CTNNA3: variants seen among roughly 807,000 people sequenced by gnomAD.
CTNNA3 encodes the protein catenin alpha-3.
Under a neutral mutation model 95.7 loss-of-function variants are expected in CTNNA3, and 76 were observed. The ratio of observed to expected loss-of-function variants is 0.79; its 90% confidence interval spans 0.66 to 0.96. The LOEUF is 0.96. Ranked by LOEUF, CTNNA3 falls within the 40% of genes least tolerant of loss-of-function variation. The pLI is 0.00. For synonymous variants in CTNNA3, 431 were observed against 374.4 expected (o/e 1.15, Z -1.74); for missense variants, 1,191 against 1,089.8 (o/e 1.09, Z -1.31).
chr10:66,399,072 T>G (rs1489701721), intron 11 of CTNNA3, among the ~76,000 whole-genome samples: 1 of 152,038 alleles, frequency 6.6e-6, no homozygotes, highest in Non-Finnish European at 1.5e-5. Context: ...TTTCACTTCC[T>G]ATTTTTAGGG....
intron 2 of CTNNA3, among the ~76,000 whole-genome samples, chr10:67,612,311 A>G (rs1447091063): frequency 6.6e-6 from 1 of 152,214 alleles, no homozygotes; most frequent in Non-Finnish European, 1.5e-5. Context: ...TAAAGGCAGA[A>G]TGATAACTGT....
At chr10:67,143,337 G>T (rs886515265) in intron 7 of CTNNA3, among the ~76,000 whole-genome samples, 4 of 147,620 alleles carry the variant, frequency 2.7e-5, no homozygotes, top group African/African-American at 5.0e-5. Context: ...CAGAAGAATT[G>T]TTTGAACCCA....
chr10:66,527,036 C>T (rs1167962002), intron 10 of CTNNA3, among the ~76,000 whole-genome samples: 1 of 151,992 alleles, frequency 6.6e-6, no homozygotes, highest in Non-Finnish European at 1.5e-5. Flanking sequence ...TCTATGTTTT[C>T]TTCTAAGAGT....
At chr10:65,977,791 A>T (rs867925389) in intron 16 of CTNNA3, among the ~76,000 whole-genome samples, 26 of 152,074 alleles carry the variant, frequency 1.7e-4, no homozygotes, top group African/African-American at 6.0e-4. Flanking sequence ...AAATTAAAAA[A>T]ATAATAAATA....
intron 12 of CTNNA3, among the ~76,000 whole-genome samples, chr10:66,325,168 A>C (rs1352250664): frequency 1.3e-5 from 2 of 152,086 alleles, no homozygotes; most frequent in Non-Finnish European, 2.9e-5. Context: ...GAGTGCAAAT[A>C]CACTTAACGA....
intron 13 of CTNNA3, among the ~76,000 whole-genome samples, chr10:66,252,580 A>G (rs993927485): frequency 1.3e-4 from 20 of 152,214 alleles, no homozygotes; most frequent in African/African-American, 4.8e-5. Flanking sequence ...ATGTACAGGT[A>G]TGTGGTGTTA....
chr10:66,572,265 C>G (rs765761148), intron 10 of CTNNA3, among the ~76,000 whole-genome samples: 2 of 151,532 alleles, frequency 1.3e-5, no homozygotes, highest in Non-Finnish European at 2.9e-5. Context: ...TGCCTGTAAT[C>G]CCATCTACTA....
chr10:66,998,597 A>G (rs1851498898), intron 7 of CTNNA3, among the ~76,000 whole-genome samples: 1 of 152,194 alleles, frequency 6.6e-6, no homozygotes, highest in Admixed American at 6.5e-5. Flanking sequence ...TAGAGAGGCA[A>G]AAAAGGCACA....
chr10:66,691,226 G>C (rs979081969), intron 9 of CTNNA3, among the ~76,000 whole-genome samples: 1 of 152,148 alleles, frequency 6.6e-6, no homozygotes, highest in Non-Finnish European at 1.5e-5. Context: ...GGTGACAGAC[G>C]GCACCTGGAA....
At chr10:67,650,118 C>T (rs576904244) in intron 1 of CTNNA3, among the ~76,000 whole-genome samples, 6 of 152,276 alleles carry the variant, frequency 3.9e-5, no homozygotes, top group South Asian at 4.1e-4. Context: ...GGATTACAGG[C>T]GTGAGCCACC....
intron 8 of CTNNA3, among the ~76,000 whole-genome samples, chr10:66,773,381 T>C (rs907332921): frequency 5.3e-5 from 8 of 152,202 alleles, no homozygotes; most frequent in Non-Finnish European, 1.0e-4. Flanking sequence ...GCTTGTCAGC[T>C]TCCGTCTCCC....
intron 2 of CTNNA3, among the ~76,000 whole-genome samples, chr10:67,624,295 T>C (rs375298490): frequency 6.6e-6 from 1 of 152,176 alleles, no homozygotes; most frequent in Non-Finnish European, 1.5e-5. Context: ...GCAGGTAGAC[T>C]GAAGTCTGTC....
intron 12 of CTNNA3, among the ~76,000 whole-genome samples, chr10:66,317,041 T>C (rs555901497): frequency 3.3e-5 from 5 of 152,112 alleles, no homozygotes; most frequent in African/African-American, 1.2e-4. Flanking sequence ...ATTAGTTCAG[T>C]TTCGCATTAC....
chr10:66,895,487 T>C (rs1043729268), intron 7 of CTNNA3, among the ~76,000 whole-genome samples: 13 of 152,188 alleles, frequency 8.5e-5, no homozygotes, highest in African/African-American at 2.4e-4. Context: ...ATATAAAATG[T>C]TCTTTCACAT....
chr10:66,081,083 G>C (rs889128264), intron 14 of CTNNA3, among the ~76,000 whole-genome samples: 3 of 152,128 alleles, frequency 2.0e-5, no homozygotes, highest in Admixed American at 6.6e-5. Flanking sequence ...ATCAAGACAA[G>C]GAGAAATTTA....
intron 13 of CTNNA3, among the ~76,000 whole-genome samples, chr10:66,157,583 T>C (rs948868988): frequency 1.2e-4 from 18 of 151,990 alleles, no homozygotes; most frequent in African/African-American, 4.3e-4. Flanking sequence ...TGGGCATTTG[T>C]GTTGGTTCCA....
chr10:66,346,226 T>C (rs1589120795), intron 12 of CTNNA3, among the ~76,000 whole-genome samples: 1 of 73,196 alleles, frequency 1.4e-5, no homozygotes, highest in Non-Finnish European at 3.0e-5. Context: ...TATATATATA[T>C]ATATATATAT....
At position 67,232,526 on chromosome 10, in the gene CTNNA3, G is replaced by A. The variant is rs543023163; in HGVS notation, c.580-12656C>T. On this transcript the variant is annotated intron_variant, in intron 5 of 17. Transcript: ENST00000433211. Reference sequence around the variant, plus strand: ...CCTGAAGGAAGCACTAAACATGGAAGGAACAACTGGTACCAGCCACTGCAA... The same window carrying A: ...CCTGAAGGAAGCACTAAACATGGAAAGAACAACTGGTACCAGCCACTGCAA... Among the ~76,000 whole-genome samples the A allele has an allele frequency of 7.2e-5, 11 of 151,968 alleles. No individual in the cohort carries two copies. The East Asian group carries it at 1.9e-3, about 27-fold the overall frequency.
At chr10:66,736,804 A>G (rs1203364537) in intron 9 of CTNNA3, among the ~76,000 whole-genome samples, 1 of 152,100 alleles carries the variant, frequency 6.6e-6, no homozygotes, top group Non-Finnish European at 1.5e-5. Flanking sequence ...GTGGTCTTAC[A>G]ATTTTTGAGT....
Sources: gnomAD v4.1 joint callset for allele counts (sites outside exome capture counted in the v4.1 genomes callset) on GRCh38, gnomAD v4.1.1 for gene constraint, MANE v1.5 for transcripts, NCBI Gene and HGNC (gene_info 2026-07-23, HGNC 2026-07-21) for gene names.